Variants in DLG2 observed in about 807,000 individuals in gnomAD.
DLG2 encodes the protein discs large MAGUK scaffold protein 2.
In DLG2, 45 loss-of-function variants were observed where a neutral mutation model predicts 132.5. The observed-to-expected ratio is 0.34, with a 90% CI of 0.27 to 0.44. DLG2 has a LOEUF of 0.44. Among genes scored for constraint, DLG2 ranks in the 20% least tolerant of loss-of-function variants. The pLI is 1.00. For synonymous variants in DLG2, 424 were observed against 419.6 expected (o/e 1.01, Z -0.13); for missense variants, 1,045 against 1,196.9 (o/e 0.87, Z 1.87).
intron 4 of DLG2, among the ~76,000 whole-genome samples, chr11:85,228,705 C>G (rs996541250): frequency 6.6e-6 from 1 of 151,424 alleles, no homozygotes; most frequent in Admixed American, 6.6e-5. Flanking sequence ...TTATGGCTAC[C>G]CTATTGGCTT....
intron 3 of DLG2, among the ~76,000 whole-genome samples, chr11:85,459,672 A>G (rs2092541762): frequency 1.3e-5 from 2 of 152,162 alleles, no homozygotes; most frequent in Admixed American, 1.3e-4. Context: ...GGAGATGCCC[A>G]TGTAGTGACT....
chr11:84,896,241 A>G (rs2090169192), intron 6 of DLG2, among the ~76,000 whole-genome samples: 1 of 152,128 alleles, frequency 6.6e-6, no homozygotes, highest in South Asian at 2.1e-4. Flanking sequence ...ATCCAAACTT[A>G]TATGCAAATT....
intron 8 of DLG2, among the ~76,000 whole-genome samples, chr11:84,211,701 T>C (rs1477384746): frequency 6.6e-6 from 1 of 152,228 alleles, no homozygotes; most frequent in East Asian, 1.9e-4. Flanking sequence ...CTTTCCTTAG[T>C]ATTATAACTA....
At chr11:85,194,634 A>G (rs1271598172) in intron 4 of DLG2, among the ~76,000 whole-genome samples, 1 of 150,842 alleles carries the variant, frequency 6.6e-6, no homozygotes, top group African/African-American at 2.4e-5. Flanking sequence ...ATTCAAGCAG[A>G]ATAGAAAGAG....
intron 6 of DLG2, among the ~76,000 whole-genome samples, chr11:85,068,314 G>A (rs529540485): frequency 1.3e-5 from 2 of 152,198 alleles, no homozygotes; most frequent in African/African-American, 4.8e-5. Context: ...AATCAGGCAG[G>A]AGAAGGAAAT....
chr11:83,571,001 G>T (rs975604744), intron 19 of DLG2, among the ~76,000 whole-genome samples: 1 of 151,964 alleles, frequency 6.6e-6, no homozygotes, highest in Non-Finnish European at 1.5e-5. Context: ...TTCTGTCTCA[G>T]CCTCCCAAGT....
chr11:83,937,998 G>A (rs942492323), intron 14 of DLG2, among the ~76,000 whole-genome samples: 1 of 152,096 alleles, frequency 6.6e-6, no homozygotes, highest in African/African-American at 2.4e-5. Flanking sequence ...TAAAAAATAT[G>A]TACAAAAGTT....
At chr11:85,032,981 C>T (rs189935495) in intron 6 of DLG2, among the ~76,000 whole-genome samples, 5 of 152,228 alleles carry the variant, frequency 3.3e-5, no homozygotes, top group South Asian at 2.1e-4. Context: ...GACAAGAAAA[C>T]GTCCTAAACT....
chr11:83,821,571 T>G (rs2050799551), intron 17 of DLG2, among the ~76,000 whole-genome samples: 1 of 152,198 alleles, frequency 6.6e-6, no homozygotes, highest in Admixed American at 6.6e-5. Flanking sequence ...GAACAATGTC[T>G]GATATACCTC....
At chr11:84,266,511 G>GTCTGTTTA (rs2097638202) in intron 7 of DLG2, among the ~76,000 whole-genome samples, 2 of 152,096 alleles carry the variant, frequency 1.3e-5, no homozygotes, top group Admixed American at 1.3e-4. Context: ...TAAAAATTGG[G>GTCTGTTTA]GTATTACTAA....
At chr11:83,614,017 A>AT (rs35692233) in intron 19 of DLG2, among the ~76,000 whole-genome samples, 52,351 of 151,906 alleles carry the variant, frequency 0.34, 9,631 homozygotes, top group East Asian at 0.51. Flanking sequence ...AAACAAGGCG[A>AT]TTTTTGGCCC....
At chr11:85,410,450 T>C (rs2089210390) in intron 3 of DLG2, among the ~76,000 whole-genome samples, 1 of 151,760 alleles carries the variant, frequency 6.6e-6, no homozygotes, top group Admixed American at 6.6e-5. Context: ...AGAATTTACT[T>C]TCATCTGTTA....
At chr11:83,611,301 A>G (rs1031217140) in intron 19 of DLG2, among the ~76,000 whole-genome samples, 4 of 152,204 alleles carry the variant, frequency 2.6e-5, no homozygotes, top group African/African-American at 9.6e-5. Flanking sequence ...GGGGAGAGAG[A>G]GAGAGACAGA....
chr11:84,502,251 C>CTTCCTTCTTTCT, intron 7 of DLG2, among the ~76,000 whole-genome samples: 1 of 35,576 alleles, frequency 2.8e-5, no homozygotes, highest in South Asian at 1.5e-3. Context: ...TCCTTCCTTC[C>CTTCCTTCTTTCT]TTCCTTCCTT....
At chr11:84,093,292 A>G (rs904985172) in intron 10 of DLG2, among the ~76,000 whole-genome samples, 1 of 152,086 alleles carries the variant, frequency 6.6e-6, no homozygotes, top group African/African-American at 2.4e-5. Flanking sequence ...AGTTTGTGGG[A>G]CTGAGGTCCC....
chr11:83,639,835 A>G (rs1240467578), intron 18 of DLG2, among the ~76,000 whole-genome samples: 12 of 151,846 alleles, frequency 7.9e-5, no homozygotes, highest in Admixed American at 7.9e-4. Context: ...TTTTAGTCTT[A>G]ATCTTGTCAT....
chr11:84,167,670 A>AT (rs56956119), intron 8 of DLG2, among the ~76,000 whole-genome samples: 91 of 147,988 alleles, frequency 6.1e-4, no homozygotes, highest in East Asian at 4.0e-3. Flanking sequence ...AAAATGAATA[A>AT]TTTTTTTTTT....
chr11:83,544,634 C>A (rs566409573), intron 19 of DLG2, among the ~76,000 whole-genome samples: 61 of 152,190 alleles, frequency 4.0e-4, no homozygotes, highest in African/African-American at 1.4e-3. Flanking sequence ...AAGATGATAA[C>A]CATGATGGCT....
chr11:85,451,950 A>T (rs796391648), intron 3 of DLG2, among the ~76,000 whole-genome samples: 2 of 152,262 alleles, frequency 1.3e-5, no homozygotes, highest in African/African-American at 4.8e-5. Flanking sequence ...AGGCTTTTGC[A>T]TGTTGAGTAG....
Sources: allele counts gnomAD v4.1 joint callset (sites outside exome capture counted in the v4.1 genomes callset), GRCh38; gene constraint gnomAD v4.1.1; transcripts MANE v1.5; gene names NCBI Gene and HGNC (gene_info 2026-07-23, HGNC 2026-07-21).